OPRK1: variants seen among roughly 807,000 people sequenced by gnomAD.
OPRK1 encodes opioid receptor kappa 1, also known as kappa-type opioid receptor.
OPRK1 carries 15 observed loss-of-function variants against 24.5 expected under a neutral mutation model. The observed-to-expected ratio is 0.61, with a 90% confidence interval of 0.41 to 0.94. The LOEUF is 0.94. Among genes scored for constraint, OPRK1 ranks in the 40% least tolerant of loss-of-function variants. The probability of loss-of-function intolerance (pLI) is 0.00; values close to 1 mark genes in which losing one functional copy is unlikely to be tolerated. For synonymous variants in OPRK1, 205 were observed against 198.0 expected, an observed-to-expected ratio of 1.04 and a Z score of -0.30; for missense variants, 479 against 507.3, an observed-to-expected ratio of 0.94 and a Z score of 0.54.
intron 2 of OPRK1, among the ~76,000 whole-genome samples, chr8:53,235,689 A>C (rs909153549): frequency 6.6e-6 from 1 of 152,224 alleles, no homozygotes; most frequent in Admixed American, 6.5e-5. Context: ...ATATTATATA[A>C]ATAAAGCAGA....
At chr8:53,240,428 C>A (rs1249766811) in intron 2 of OPRK1, among the ~76,000 whole-genome samples, 1 of 152,106 alleles carries the variant, frequency 6.6e-6, no homozygotes, top group East Asian at 1.9e-4. Context: ...GCCATGGACC[C>A]ACAGGAAGCT....
intron 2 of OPRK1, among the ~76,000 whole-genome samples, chr8:53,241,130 T>C (rs938660939): frequency 6.6e-6 from 1 of 152,084 alleles, no homozygotes; most frequent in Admixed American, 6.5e-5. Context: ...TGTGGGGGCA[T>C]GGGGTATATG....
chr8:53,250,699 C>T (rs1807355846), intron 2 of OPRK1, 82 bp downstream of exon 2: 2 of 1,416,592 alleles, frequency 1.4e-6, no homozygotes, highest in Non-Finnish European at 1.9e-6. Flanking sequence ...GCTGGCTGCC[C>T]CCACTGCTGC....
intron 2 of OPRK1, among the ~76,000 whole-genome samples, chr8:53,244,712 A>G (rs1038114900): frequency 1.3e-5 from 2 of 152,262 alleles, no homozygotes; most frequent in East Asian, 3.8e-4. Flanking sequence ...ATGAAAAGAG[A>G]ACATATACAT....
chr8:53,240,005 A>G (rs1320414286), intron 2 of OPRK1, among the ~76,000 whole-genome samples: 1 of 152,196 alleles, frequency 6.6e-6, no homozygotes, highest in East Asian at 1.9e-4. Context: ...CTGCAGTTCA[A>G]TGTTGAAAAG....
At chr8:53,234,150 C>T (rs1806925477) in intron 3 of OPRK1, among the ~76,000 whole-genome samples, 1 of 131,786 alleles carries the variant, frequency 7.6e-6, no homozygotes, top group Non-Finnish European at 1.5e-5. Context: ...CGCCACTGCA[C>T]TCTAGCCTGG....
At position 53,229,453 on chromosome 8, in the gene OPRK1, G is replaced by C. The variant is rs1336259147; in HGVS notation, c.987C>G (p.Leu329=). 2 of 1,614,226 alleles carry C rather than the reference G, an allele frequency of 1.2e-6. No individual in the cohort carries two copies. Among genetic ancestry groups the C allele is most frequent in the Non-Finnish European group, 8.5e-7 (1 of 1,180,048 alleles). The change falls in exon 4 of 4, where the codon CTC becomes CTG. Residue 329 remains leucine, a synonymous_variant. Transcript: ENST00000265572. The stretch of plus-strand genomic sequence containing the variant: ...TGAAGTTTTCATCAAGAAAGGCGTA[G>C]AGAATGGGATTCAGGCTACTGTTGG... ...GYTNSSLNPI[L]YAFLDENFKR...
chr8:53,234,182 C>CAAAA (rs546459906), intron 3 of OPRK1, among the ~76,000 whole-genome samples: 6,780 of 65,140 alleles, frequency 0.1, 692 homozygotes, highest in African/African-American at 0.18. Context: ...GACTCTCTCT[C>CAAAA]AAAAAAAAAA....
At chr8:53,250,276 G>T (rs554243673) in intron 2 of OPRK1, among the ~76,000 whole-genome samples, 10 of 152,274 alleles carry the variant, frequency 6.6e-5, no homozygotes, top group South Asian at 6.2e-4. Context: ...CATATATCAG[G>T]TTTTGTTTCA....
At chr8:53,247,146 C>T (rs1807249567) in intron 2 of OPRK1, among the ~76,000 whole-genome samples, 1 of 152,150 alleles carries the variant, frequency 6.6e-6, no homozygotes, top group Admixed American at 6.5e-5. Flanking sequence ...CAAGACAGAG[C>T]TTTAAGTGAT....
intron 2 of OPRK1, 148 bp from the exon 3 acceptor site, chr8:53,235,259 G>A: frequency 1.6e-6 from 1 of 632,468 alleles, no homozygotes; most frequent in Non-Finnish European, 2.7e-6. Context: ...TAAATGGACT[G>A]TTCTAGACAT....
rs1163922217 is a variant in OPRK1, at chr8:53,228,324, G to A, written c.*973C>T. On this transcript the variant is annotated 3_prime_UTR_variant, in exon 4 of 4. Transcript: ENST00000265572. Reference sequence around the variant, plus strand: ...TAGTTAAAGCCTTTGTGATTCATTAGCACATGAGTTGTGAGCACTGTTACG... The same window carrying A: ...TAGTTAAAGCCTTTGTGATTCATTAACACATGAGTTGTGAGCACTGTTACG... The A allele has an allele frequency of 6.6e-6, 1 of 152,222 alleles. No individual in the cohort carries two copies. The highest frequency in any genetic ancestry group is 2.4e-5 in the African/African-American group (1 of 41,466). 9.4% of individuals were successfully genotyped at this position (152,222 alleles called of 1,614,324 possible). A position where few individuals can be genotyped will look rare whatever the true frequency, so the allele number is the denominator to read the frequency against.
At chr8:53,249,211 GAT>G (rs1807308320) in intron 2 of OPRK1, among the ~76,000 whole-genome samples, 7 of 152,110 alleles carry the variant, frequency 4.6e-5, no homozygotes, top group Admixed American at 3.9e-4. Flanking sequence ...ACCTAAATAT[GAT>G]ATGGGTAGAA....
intron 1 of OPRK1, 23 bp from the exon 2 acceptor site, chr8:53,251,108 T>G (rs1807384087): frequency 7.1e-7 from 1 of 1,418,376 alleles, no homozygotes; most frequent in East Asian, 2.7e-5. Flanking sequence ...AAGAACCGGC[T>G]GGACGCGGAG....
intron 2 of OPRK1, chr8:53,242,988 T>C: frequency 7.2e-6 from 9 of 1,249,022 alleles, no homozygotes; most frequent in Non-Finnish European, 9.4e-6. Context: ...ATTCTTCATA[T>C]ATAAGCCTTC....
At chr8:53,234,182 CAAAAAAA>C (rs546459906) in intron 3 of OPRK1, among the ~76,000 whole-genome samples, 1 of 65,374 alleles carries the variant, frequency 1.5e-5, no homozygotes, top group African/African-American at 8.0e-5. Flanking sequence ...GACTCTCTCT[CAAAAAAA>C]AAAAAAAAAA....
chr8:53,237,249 A>G (rs1290102945), intron 2 of OPRK1, among the ~76,000 whole-genome samples: 3 of 152,214 alleles, frequency 2.0e-5, no homozygotes, highest in African/African-American at 2.4e-5. Flanking sequence ...AGGTGAGAAT[A>G]AAAAGGAGCC....
In OPRK1 at chr8:53,226,155, G is replaced by T. The variant is rs200328763; in HGVS notation, c.*3142C>A. The T allele has an allele frequency of 6.6e-6, 1 of 152,078 alleles. No homozygotes were observed. Among genetic ancestry groups the T allele is most frequent in the Non-Finnish European group, 1.5e-5 (1 of 68,002 alleles). The allele number at this position is 152,078 out of a possible 1,614,324, so 9.4% of individuals were successfully genotyped here. The stretch of plus-strand genomic sequence containing the variant: ...TTTCTTAGTAATATATCACAGAATA[G>T]AACCATTTTCTTAAGATTTTATGTG... On this transcript the variant is annotated 3_prime_UTR_variant, in exon 4 of 4. Coordinates refer to ENST00000265572, the MANE Select transcript of OPRK1 (RefSeq NM_000912.5).
chr8:53,234,880 G>A lies in OPRK1; in HGVS notation c.489C>T (p.Pro163=), dbSNP rs200567861. The A allele has an allele frequency of 5.0e-5, 80 of 1,614,144 alleles. No individual in the cohort carries two copies. The highest frequency in any genetic ancestry group is 1.6e-4 in the Middle Eastern group (1 of 6,062). ...GTGTGCGGAAGTCCAAAGCCTTCACGGGGTGGCACACGGCAATGTAGCGGT... is the reference window on the plus strand; with the variant it reads ...GTGTGCGGAAGTCCAAAGCCTTCACAGGGTGGCACACGGCAATGTAGCGGT... ...SVDRYIAVCH[P]VKALDFRTPL... The change falls in exon 3 of 4, where the codon CCC becomes CCT. Residue 163 remains proline (P), a synonymous_variant. Coordinates refer to ENST00000265572, the MANE Select transcript of OPRK1 (RefSeq NM_000912.5).
Sources: gnomAD v4.1 joint callset for allele counts (sites outside exome capture counted in the v4.1 genomes callset) on GRCh38, gnomAD v4.1.1 for gene constraint, MANE v1.5 for transcripts, NCBI Gene and HGNC (gene_info 2026-07-23, HGNC 2026-07-21) for gene names.